Variants in FXYD5 observed in about 807,000 individuals in gnomAD.
The protein encoded by FXYD5 is FXYD domain containing ion transport regulator 5, also known as FXYD domain-containing ion transport regulator 5.
In FXYD5, 21 loss-of-function variants were observed where a neutral mutation model predicts 25.7. The ratio of observed to expected loss-of-function variants is 0.82; its 90% CI spans 0.58 to 1.18. FXYD5 has a LOEUF of 1.18. Ranked by LOEUF, FXYD5 falls within the 50% of genes most tolerant of loss-of-function variation. The probability of loss-of-function intolerance (pLI) is 0.00; values close to 1 mark genes in which losing one functional copy is unlikely to be tolerated. For synonymous variants in FXYD5, 101 were observed against 90.7 expected (o/e 1.11, Z -0.64); for missense variants, 229 against 227.7 (o/e 1.01, Z -0.04).
chr19:35,163,986 T>C (rs1289263730), intron 5 of FXYD5, 170 bp from the exon 6 acceptor site: 3 of 1,479,632 alleles, frequency 2.0e-6, no homozygotes, highest in African/African-American at 2.8e-5. Flanking sequence ...TTTCAATGCC[T>C]GTCATTACTT....
Position 35,164,204 on chromosome 19 carries a change from G to A in FXYD5, c.341G>A (p.Ser114Asn), listed in dbSNP as rs1309277891. The A allele has an allele frequency of 5.0e-6, 8 of 1,613,838 alleles. No homozygotes were observed. In the Admixed American group the frequency reaches 5.0e-5, roughly 10 times the overall value. ...TTTLSERPSP[S>N]TDVQTDPQTL... ...ACGCTCTCTGAGAGACCATCCCCAA[G>A]CACAGACGTCCAGACAGACCCCCAG... Residue 114 changes from serine to asparagine, a missense_variant, in exon 6 of 9, where the codon AGC becomes AAC. By Grantham distance (46) the Ser-to-Asn change is conservative. Coordinates refer to ENST00000392219, the MANE Select transcript of FXYD5 (RefSeq NM_014164.6).
chr19:35,158,673 A>G (rs551647969), intron 4 of FXYD5, among the ~76,000 whole-genome samples: 16 of 152,298 alleles, frequency 1.1e-4, no homozygotes, highest in South Asian at 2.1e-4. Flanking sequence ...TTGAATCCCT[A>G]TGTAACTACC....
chr19:35,159,629 T>G, intron 4 of FXYD5: 1 of 1,549,900 alleles, frequency 6.5e-7, no homozygotes, highest in African/African-American at 1.4e-5. Context: ...CCTTCCTCCT[T>G]GAGCAAACGC....
intron 4 of FXYD5, among the ~76,000 whole-genome samples, chr19:35,159,036 G>C (rs1041359461): frequency 2.0e-5 from 3 of 151,642 alleles, no homozygotes; most frequent in African/African-American, 7.3e-5. Context: ...GCTGAGGCAG[G>C]AGAATCACTT....
At chr19:35,168,163 C>T (rs898793041) in intron 8 of FXYD5, among the ~76,000 whole-genome samples, 18 of 152,012 alleles carry the variant, frequency 1.2e-4, no homozygotes, top group Admixed American at 1.2e-3. Flanking sequence ...TGTATTTTTC[C>T]AACAGCAAAT....
chr19:35,169,580 C>T lies in FXYD5; in HGVS notation c.502C>T (p.Gln168Ter). The change falls in exon 9 of 9, where the codon CAG (glutamine) becomes TAG (stop). Residue 168 changes from glutamine (Q) to a stop codon, truncating the protein, a stop_gained. Coordinates refer to ENST00000392219, the MANE Select transcript of FXYD5 (RefSeq NM_014164.6). LOFTEE classifies it high-confidence loss of function. ...TTCACCCACAGGTGGCAAGTGCAGGCAGCTGTCCCGGTTATGCCGGAATCG... is the reference window on the plus strand; with the variant it reads ...TTCACCCACAGGTGGCAAGTGCAGGTAGCTGTCCCGGTTATGCCGGAATCG... Reference protein sequence around the residue: ...IIILTSGKCRQLSRLCRNRCR With the variant: ...IIILTSGKCR 3 of 1,610,516 alleles carry T rather than the reference C, an allele frequency of 1.9e-6. No homozygotes were observed. Among genetic ancestry groups the T allele is most frequent in the Non-Finnish European group, 2.5e-6 (3 of 1,176,670 alleles).
chr19:35,159,789 T>C lies in FXYD5; in HGVS notation c.200-920T>C. The C allele has an allele frequency of 2.0e-6, 2 of 978,260 alleles. 1 individual carries two copies. The highest frequency in any genetic ancestry group is 2.9e-6 in the Non-Finnish European group (2 of 690,346). The allele number at this position is 978,260 out of a possible 1,614,324, so 60.6% of individuals were successfully genotyped here. On this transcript the variant is annotated intron_variant, in intron 4 of 8. Transcript: ENST00000392219. ...GAAACAGAGGCTGTGAGTAACTGGT[T>C]CAAGGTCTCACAACAAGTCAGGGAC...
intron 4 of FXYD5, among the ~76,000 whole-genome samples, chr19:35,158,822 A>C (rs1264718206): frequency 1.3e-5 from 2 of 152,020 alleles, no homozygotes; most frequent in Non-Finnish European, 2.9e-5. Flanking sequence ...GTTTTCTTGA[A>C]GTATAATTCA....
At position 35,166,319 on chromosome 19, in the gene FXYD5, C is replaced by G. The variant is rs2145428825; in HGVS notation, c.481C>G (p.Leu161Val). The G allele has an allele frequency of 6.3e-7, 1 of 1,576,502 alleles. No individual in the cohort carries two copies. Among genetic ancestry groups the G allele is most frequent in the African/African-American group, 1.3e-5 (1 of 74,254 alleles). The change falls in exon 8 of 9, where the codon CTC (leucine) becomes GTC (valine). Residue 161 changes from leucine to valine, a missense_variant. Physicochemically the swap from Leu to Val is conservative, Grantham distance 32 (BLOSUM62 1). Transcript: ENST00000392219. Reference sequence around the variant, plus strand: ...GCTGTTCATCACAGGCATCATCATCCTCACCAGTGAGAACTGGGGTTGGGT... The same window carrying G: ...GCTGTTCATCACAGGCATCATCATCGTCACCAGTGAGAACTGGGGTTGGGT... ...AVLFITGIII[L>V]TSGKCRQLSR...
At position 35,166,417 on chromosome 19, in the gene FXYD5, G is replaced by A. The variant is rs1368709276; in HGVS notation, c.487+92G>A. ...TTCTCAAAGGTCCCTGGGCAATTTT[G>A]TTTTAAATGAGGTATCTATTAGCTG... On this transcript the variant is annotated intron_variant, in intron 8 of 8. Coordinates refer to ENST00000392219, the MANE Select transcript of FXYD5 (RefSeq NM_014164.6). 5 of 790,962 alleles carry A rather than the reference G, an allele frequency of 6.3e-6. No homozygotes were observed. In the Admixed American group the frequency reaches 9.4e-5, roughly 15 times the overall value. The allele number at this position is 790,962 out of a possible 1,614,324, so 49.0% of individuals were successfully genotyped here.
intron 5 of FXYD5, among the ~76,000 whole-genome samples, chr19:35,161,179 A>C (rs1452309556): frequency 1.5e-5 from 2 of 136,160 alleles, no homozygotes; most frequent in Non-Finnish European, 3.1e-5. Context: ...TTAATGTTAG[A>C]GCAGGAGCTT....
intron 4 of FXYD5, chr19:35,159,416 G>A: frequency 2.0e-6 from 3 of 1,479,044 alleles, no homozygotes; most frequent in Non-Finnish European, 1.8e-6. Context: ...TTGTTCTGCA[G>A]CTTGCTTTGT....
intron 2 of FXYD5, among the ~76,000 whole-genome samples, chr19:35,156,577 G>A (rs1451159402): frequency 6.6e-6 from 1 of 152,190 alleles, no homozygotes; most frequent in East Asian, 1.9e-4. Flanking sequence ...TGGAGGAAAT[G>A]AGGGAATGAG....
chr19:35,158,521 C>T lies in FXYD5; in HGVS notation c.199+121C>T. On this transcript the variant is annotated intron_variant, in intron 4 of 8. Transcript: ENST00000392219. Reference sequence around the variant, plus strand: ...GTCCCTACTCCCAGCTCTGAATGCCCTGGTTTACTCTGGGTGGGGACAGCC... The same window carrying T: ...GTCCCTACTCCCAGCTCTGAATGCCTTGGTTTACTCTGGGTGGGGACAGCC... The T allele has an allele frequency of 1.5e-5, 10 of 662,134 alleles. No homozygotes were observed. The South Asian group carries it at 1.8e-4, about 12-fold the overall frequency. The allele number at this position is 662,134 out of a possible 1,614,324, so 41.0% of individuals were successfully genotyped here.
Position 35,157,493 on chromosome 19 carries a change from G to A in FXYD5, c.134G>A (p.Arg45Gln), listed in dbSNP as rs140956604. 1.2e-4 allele frequency: 182 copies of A among 1,529,906 alleles called. No homozygotes were observed. The highest frequency in any genetic ancestry group is 7.0e-4 in the East Asian group (31 of 44,146). The allele number at this position is 1,529,906 out of a possible 1,614,324, so 94.8% of individuals were successfully genotyped here. The stretch of plus-strand genomic sequence containing the variant: ...ATCATGGACATTCAGGTCCCGACAC[G>A]AGCCCCAGGTGAGGAAAGGGACACA... ...STIMDIQVPT[R>Q]APDAVYTELQ... The change falls in exon 3 of 9, where the codon CGA (arginine) becomes CAA (glutamine). Residue 45 changes from arginine (R) to glutamine (Q), a missense_variant. Coordinates refer to ENST00000392219, the MANE Select transcript of FXYD5 (RefSeq NM_014164.6).
In FXYD5 at chr19:35,169,772, T is replaced by G; in HGVS notation, c.*157T>G. 1.6e-6 allele frequency: 1 copy of G among 631,596 alleles called. No homozygotes were observed. The highest frequency in any genetic ancestry group is 2.5e-5 in the Admixed American group (1 of 40,126). 39.1% of individuals were successfully genotyped at this position (631,596 alleles called of 1,614,324 possible). A position where few individuals can be genotyped will look rare whatever the true frequency, so the allele number is the denominator to read the frequency against. ...GGAGCCAGGGCTGCCGGTCCGAGTC[T>G]CCTACCTCCCCCAACCCTGCCCGCC... On this transcript the variant is annotated 3_prime_UTR_variant, in exon 9 of 9. Coordinates refer to ENST00000392219, the MANE Select transcript of FXYD5 (RefSeq NM_014164.6).
At chr19:35,160,885 A>C in intron 5 of FXYD5, 84 bp downstream of exon 5, 14 of 835,698 alleles carry the variant, frequency 1.7e-5, no homozygotes, top group Non-Finnish European at 1.8e-5. Flanking sequence ...TACGTTTCTC[A>C]GTGCCCCTGT....
chr19:35,166,022 G>T, intron 6 of FXYD5, 120 bp from the exon 7 acceptor site: 1 of 868,484 alleles, frequency 1.2e-6, no homozygotes, highest in South Asian at 1.3e-5. Flanking sequence ...GTGCCATGGT[G>T]AAGATTTTGG....
rs200315823 is a variant in FXYD5, at chr19:35,164,193, A to T, written c.330A>T (p.Arg110Ser). The change falls in exon 6 of 9, where the codon AGA becomes AGT. Residue 110 changes from arginine (R) to serine (S), a missense_variant. Arg to Ser is a moderately radical substitution (Grantham distance 110). Transcript: ENST00000392219. ...ATGACACCACGACGCTCTCTGAGAG[A>T]CCATCCCCAAGCACAGACGTCCAGA... ...PTDDTTTLSE[R>S]PSPSTDVQTD... The T allele has an allele frequency of 6.2e-7, 1 of 1,613,986 alleles. No homozygotes were observed. The highest frequency in any genetic ancestry group is 2.2e-5 in the East Asian group (1 of 44,870).
Sources: gnomAD v4.1 joint callset for allele counts (sites outside exome capture counted in the v4.1 genomes callset) on GRCh38, gnomAD v4.1.1 for gene constraint, MANE v1.5 for transcripts, NCBI Gene and HGNC (gene_info 2026-07-23, HGNC 2026-07-21) for gene names.